The following EPN1 variants were observed in gnomAD, a reference collection of about 807,000 sequenced individuals.
EPN1 encodes epsin 1.
EPN1 carries 25 observed loss-of-function variants against 56.9 expected under a neutral mutation model. The observed-to-expected ratio is 0.44, with a 90% CI of 0.32 to 0.61. The LOEUF (loss-of-function observed/expected upper bound fraction) is 0.61, where lower values mean the gene tolerates loss of function less well. Ranked by LOEUF, EPN1 falls within the 20% of genes least tolerant of loss-of-function variation. EPN1 has a pLI of 0.05. For missense variants in EPN1, 785 were observed against 823.7 expected (o/e 0.95, Z 0.58); for synonymous variants, 411 against 361.8 (o/e 1.14, Z -1.54).
chr19:55,693,053 C>A lies in EPN1; in HGVS notation c.1264+16C>A, dbSNP rs562276057. 6.2e-7 allele frequency: 1 copy of A among 1,608,692 alleles called. No homozygotes were observed. The highest frequency in any genetic ancestry group is 2.2e-5 in the East Asian group (1 of 44,722). Reference sequence around the variant, plus strand: ...AGCAGCGCAGGTGAGCCCCTGCCCTCCCCTGCCCAGTGGCGAGAGGGAGCC... The same window carrying A: ...AGCAGCGCAGGTGAGCCCCTGCCCTACCCTGCCCAGTGGCGAGAGGGAGCC... On this transcript the variant is annotated intron_variant, in intron 9 of 10. Coordinates refer to ENST00000270460, the MANE Select transcript of EPN1 (RefSeq NM_001130072.2).
At chr19:55,685,992 C>T (rs571118140) in intron 3 of EPN1, among the ~76,000 whole-genome samples, 75 of 152,324 alleles carry the variant, frequency 4.9e-4, no homozygotes, top group African/African-American at 1.7e-3. Flanking sequence ...CCCGAGGGTG[C>T]TGTCCTTCTC....
intron 1 of EPN1, 99 bp from the exon 2 acceptor site, chr19:55,678,428 G>A: frequency 8.2e-7 from 1 of 1,224,570 alleles, no homozygotes; most frequent in African/African-American, 1.5e-5. Context: ...ACAAGGGACA[G>A]AGCCTTCTGG....
rs1987025978 is a variant in EPN1, at chr19:55,699,134, T to G, written c.*3778T>G. 1 of 152,212 alleles carries G rather than the reference T, an allele frequency of 6.6e-6. No homozygotes were observed. Among genetic ancestry groups the G allele is most frequent in the Non-Finnish European group, 1.5e-5 (1 of 68,048 alleles). 9.4% of individuals were successfully genotyped at this position (152,212 alleles called of 1,614,324 possible). A position where few individuals can be genotyped will look rare whatever the true frequency, so the allele number is the denominator to read the frequency against. On this transcript the variant is annotated 3_prime_UTR_variant, in exon 11 of 11. Coordinates refer to ENST00000270460, the MANE Select transcript of EPN1 (RefSeq NM_001130072.2). ...CAGGTTTGTTACATATATATACATG[T>G]GCCATGTTGGTGTGCTGCACGCATT...
chr19:55,709,087 T>G lies in EPN1; in HGVS notation c.*13731T>G, dbSNP rs1225553967. 4.1e-6 allele frequency: 6 copies of G among 1,451,728 alleles called. No individual in the cohort carries two copies. The highest frequency in any genetic ancestry group is 5.6e-6 in the Non-Finnish European group (6 of 1,073,770). The allele number at this position is 1,451,728 out of a possible 1,614,324, so 89.9% of individuals were successfully genotyped here. On this transcript the variant is annotated 3_prime_UTR_variant, in exon 11 of 11. Coordinates refer to ENST00000270460, the MANE Select transcript of EPN1 (RefSeq NM_001130072.2). ...AAGTTTTTTTTTTTGTTTTTCATTT[T>G]TACACAGTATTGCCTCTCTACATTC...
rs1347055934 is a variant in EPN1, at chr19:55,677,480, G to C, written c.-101-1047G>C. 5.9e-6 allele frequency: 5 copies of C among 850,482 alleles called. No individual in the cohort carries two copies. In the Admixed American group the frequency reaches 1.1e-4, roughly 18 times the overall value. The allele number at this position is 850,482 out of a possible 1,614,324, so 52.7% of individuals were successfully genotyped here. On this transcript the variant is annotated intron_variant, in intron 1 of 10. Transcript: ENST00000270460. Reference sequence around the variant, plus strand: ...TTAAAAGTATGAGTTTTGGAGTTCAGGTGGGCCTCGGGTTGAGTCTGCCCT... The same window carrying C: ...TTAAAAGTATGAGTTTTGGAGTTCACGTGGGCCTCGGGTTGAGTCTGCCCT...
Position 55,689,246 on chromosome 19 carries a change from A to C in EPN1, c.604-51A>C, listed in dbSNP as rs1466953125. The C allele has an allele frequency of 6.6e-6, 9 of 1,360,384 alleles. No individual in the cohort carries two copies. The highest frequency in any genetic ancestry group is 2.5e-5 in the East Asian group (1 of 39,678). The allele number at this position is 1,360,384 out of a possible 1,614,324, so 84.3% of individuals were successfully genotyped here. A position where few individuals can be genotyped will look rare whatever the true frequency, so the allele number is the denominator to read the frequency against. On this transcript the variant is annotated intron_variant, in intron 4 of 10. Coordinates refer to ENST00000270460, the MANE Select transcript of EPN1 (RefSeq NM_001130072.2). The surrounding 1 kb of genome is among the most constrained non-coding windows in gnomAD (Gnocchi z 5.7). ...CTATCTGACCCTGGCTCTGCCTCTG[A>C]CTCTGCCTCTGGCCCCTCCCGTCAT... is the stretch of plus-strand genomic sequence containing the variant.
rs779941442 is a variant in EPN1 at position 55,678,638 on chromosome 19, C to T, written c.11C>T (p.Ser4Leu). 9.3e-6 allele frequency: 15 copies of T among 1,611,118 alleles called. No individual in the cohort carries two copies. In the Admixed American group the frequency reaches 1.7e-4, roughly 18 times the overall value. Residue 4 changes from serine (S) to leucine (L), a missense_variant, in exon 2 of 11, where the codon TCG (serine) becomes TTG (leucine). This residue lies in a region of EPN1 where 135 missense variants were observed against 218.7 expected (regional missense o/e 0.62). Transcript: ENST00000270460. MST[S>L]SLRRQMKNIV... The stretch of plus-strand genomic sequence containing the variant: ...CTGCAGCCGGGCACCATGTCGACCT[C>T]GTCCTTGAGGCGCCAGATGAAGAAC...
intron 2 of EPN1, among the ~76,000 whole-genome samples, chr19:55,680,357 C>T (rs1186358630): frequency 6.6e-6 from 1 of 152,168 alleles, no homozygotes; most frequent in Admixed American, 6.5e-5. Flanking sequence ...CCTGGCTGTT[C>T]CTGCTGTATC....
rs1265890411 is a variant in EPN1, at chr19:55,706,850, G to A, written c.*11494G>A. ...AGCCAGGAGTACCAGACCAGCCTGGGAAACATAGTGAGACCCCGTCTATAC... is the reference window on the plus strand; with the variant it reads ...AGCCAGGAGTACCAGACCAGCCTGGAAAACATAGTGAGACCCCGTCTATAC... On this transcript the variant is annotated 3_prime_UTR_variant, in exon 11 of 11. Coordinates refer to ENST00000270460, the MANE Select transcript of EPN1 (RefSeq NM_001130072.2). The A allele has an allele frequency of 1.3e-5, 2 of 151,984 alleles. No homozygotes were observed. The highest frequency in any genetic ancestry group is 2.9e-5 in the Non-Finnish European group (2 of 67,998). 9.4% of individuals were successfully genotyped at this position (151,984 alleles called of 1,614,324 possible).
At chr19:55,679,229 C>T (rs531926220) in intron 2 of EPN1, among the ~76,000 whole-genome samples, 59 of 152,346 alleles carry the variant, frequency 3.9e-4, no homozygotes, top group Non-Finnish European at 7.8e-4. Flanking sequence ...GTGGCACAGG[C>T]GATGCCACGC....
In EPN1 at chr19:55,689,944, G is replaced by T; in HGVS notation, c.756G>T (p.Lys252Asn). ...AGAGCAAGAGGGAGACTGGGGGCAA[G>T]GAGGAGGTGAGCGGGGCTTGTTCTG... ...IEESKRETGG[K>N]EESSLMDLAD... The change falls in exon 6 of 11, where the codon AAG (lysine) becomes AAT (asparagine). Residue 252 changes from lysine to asparagine, a missense_variant. Coordinates refer to ENST00000270460, the MANE Select transcript of EPN1 (RefSeq NM_001130072.2). This position sits in a 1 kb window ranked among gnomAD's most constrained non-coding sequence, Gnocchi z 5.7. 1 of 1,600,486 alleles carries T rather than the reference G, an allele frequency of 6.2e-7. No homozygotes were observed. The highest frequency in any genetic ancestry group is 2.3e-5 in the East Asian group (1 of 44,244).
In EPN1 at chr19:55,704,231, C is replaced by T. The variant is rs1371003266; in HGVS notation, c.*8875C>T. 6.5e-6 allele frequency: 1 copy of T among 152,724 alleles called. No homozygotes were observed. The highest frequency in any genetic ancestry group is 2.4e-5 in the African/African-American group (1 of 41,446). The allele number at this position is 152,724 out of a possible 1,614,324, so 9.5% of individuals were successfully genotyped here. A position where few individuals can be genotyped will look rare whatever the true frequency, so the allele number is the denominator to read the frequency against. On this transcript the variant is annotated 3_prime_UTR_variant, in exon 11 of 11. Coordinates refer to ENST00000270460, the MANE Select transcript of EPN1 (RefSeq NM_001130072.2). ...CCCCGTTGGAGTGGCCCATCCTCTC[C>T]GCTTAGACACCTGCAGTCACTGTCA...
Position 55,685,385 on chromosome 19 carries a change from C to A in EPN1, c.229-11C>A, listed in dbSNP as rs752533080. 1.2e-6 allele frequency: 2 copies of A among 1,607,252 alleles called. No individual in the cohort carries two copies. Among genetic ancestry groups the A allele is most frequent in the South Asian group, 2.2e-5 (2 of 89,960 alleles). On this transcript the variant is annotated splice_polypyrimidine_tract_variant and intron_variant, in intron 2 of 10. Coordinates refer to ENST00000270460, the MANE Select transcript of EPN1 (RefSeq NM_001130072.2). The stretch of plus-strand genomic sequence containing the variant: ...GGCGTGCTGACCGGGCATCCCCGTG[C>A]CCGCTCGCAGGCCATGACGCTGATG...
At position 55,689,652 on chromosome 19, in the gene EPN1, G is replaced by C. The variant is rs1349360662; in HGVS notation, c.679-215G>C. On this transcript the variant is annotated intron_variant, in intron 5 of 10. Coordinates refer to ENST00000270460, the MANE Select transcript of EPN1 (RefSeq NM_001130072.2). The surrounding 1 kb of genome is among the most constrained non-coding windows in gnomAD (Gnocchi z 5.7). ...CGAGGCGGGTGCCCGTCCTCCCCGGGTGCGCCAGCACAGCACCCCACTCCC... is the reference window on the plus strand; with the variant it reads ...CGAGGCGGGTGCCCGTCCTCCCCGGCTGCGCCAGCACAGCACCCCACTCCC... Among the ~76,000 whole-genome samples the C allele has an allele frequency of 6.6e-6, 1 of 152,154 alleles. No individual in the cohort carries two copies. The highest frequency in any genetic ancestry group is 1.5e-5 in the Non-Finnish European group (1 of 68,008).
In EPN1 at chr19:55,689,447, C is replaced by A. The variant is rs776372924; in HGVS notation, c.678+76C>A. On this transcript the variant is annotated intron_variant, in intron 5 of 10. Coordinates refer to ENST00000270460, the MANE Select transcript of EPN1 (RefSeq NM_001130072.2). This position sits in a 1 kb window ranked among gnomAD's most constrained non-coding sequence, Gnocchi z 5.7. ...AGCCCCGTCGCCCCTTCCTAAGTCA[C>A]CCCCCACCATCCTGCTGGGCCCGAA... 90 of 1,128,034 alleles carry A rather than the reference C, an allele frequency of 8.0e-5. No homozygotes were observed. Among genetic ancestry groups the A allele is most frequent in the Non-Finnish European group, 1.1e-4 (87 of 767,394 alleles). 69.9% of individuals were successfully genotyped at this position (1,128,034 alleles called of 1,614,324 possible).
chr19:55,694,531 C>T lies in EPN1; in HGVS notation c.1265-195C>T. ...TGTTTGCTCACTGGAATCAGACCCA[C>T]CTTATGGGAATCTGGGCTGACGTGA... is the stretch of plus-strand genomic sequence containing the variant. On this transcript the variant is annotated intron_variant, in intron 9 of 10. Coordinates refer to ENST00000270460, the MANE Select transcript of EPN1 (RefSeq NM_001130072.2). The surrounding 1 kb of genome is among the most constrained non-coding windows in gnomAD (Gnocchi z 4.2). 1 of 553,900 alleles carries T rather than the reference C, an allele frequency of 1.8e-6. No individual in the cohort carries two copies. The highest frequency in any genetic ancestry group is 3.7e-5 in the Admixed American group (1 of 26,916). 34.3% of individuals were successfully genotyped at this position (553,900 alleles called of 1,614,324 possible). A position where few individuals can be genotyped will look rare whatever the true frequency, so the allele number is the denominator to read the frequency against.
rs374261347 is a variant in EPN1, at chr19:55,695,171, G to A, written c.1546G>A (p.Val516Ile). 31 of 1,613,616 alleles carry A rather than the reference G, an allele frequency of 1.9e-5. No homozygotes were observed. The highest frequency in any genetic ancestry group is 2.4e-5 in the Non-Finnish European group (28 of 1,179,846). Residue 516 changes from valine (V) to isoleucine (I), a missense_variant, in exon 11 of 11, where the codon GTC becomes ATC. Transcript: ENST00000270460. The surrounding 1 kb of genome is among the most constrained non-coding windows in gnomAD (Gnocchi z 4.4). ...AGGAGGCCCAGCCACTGGCCCTTCC[G>A]TCACCAACCCCTTCCAGCCCGCGCC... ...PGGGPATGPS[V>I]TNPFQPAPPA...
At chr19:55,690,199 A>G (rs1240278799) in intron 6 of EPN1, among the ~76,000 whole-genome samples, 1 of 152,198 alleles carries the variant, frequency 6.6e-6, no homozygotes, top group African/African-American at 2.4e-5. Context: ...CGGGCTGAGC[A>G]CCGTGAGGGC....
Position 55,694,532 on chromosome 19 carries a change from C to A in EPN1, c.1265-194C>A, listed in dbSNP as rs909144925. 1 of 559,436 alleles carries A rather than the reference C, an allele frequency of 1.8e-6. No individual in the cohort carries two copies. Among genetic ancestry groups the A allele is most frequent in the African/African-American group, 1.9e-5 (1 of 52,222 alleles). The allele number at this position is 559,436 out of a possible 1,614,324, so 34.7% of individuals were successfully genotyped here. ...GTTTGCTCACTGGAATCAGACCCACCTTATGGGAATCTGGGCTGACGTGAG... is the reference window on the plus strand; with the variant it reads ...GTTTGCTCACTGGAATCAGACCCACATTATGGGAATCTGGGCTGACGTGAG... On this transcript the variant is annotated intron_variant, in intron 9 of 10. Transcript: ENST00000270460. This position sits in a 1 kb window ranked among gnomAD's most constrained non-coding sequence, Gnocchi z 4.2.
Sources: allele counts gnomAD v4.1 joint callset (sites outside exome capture counted in the v4.1 genomes callset), GRCh38; gene constraint gnomAD v4.1.1; regional missense constraint gnomAD v4.1.1; non-coding constraint Gnocchi (gnomAD v3.1); transcripts MANE v1.5; gene names NCBI Gene and HGNC (gene_info 2026-07-23, HGNC 2026-07-21).